RGMB: variants seen among roughly 807,000 people sequenced by gnomAD.
The protein encoded by RGMB is repulsive guidance molecule B.
In RGMB, 16 loss-of-function variants were observed where a neutral mutation model predicts 26.9. That is an observed-to-expected ratio of 0.60 (90% CI 0.40 to 0.90). The LOEUF (loss-of-function observed/expected upper bound fraction) is 0.90, where lower values mean the gene tolerates loss of function less well. RGMB is among the 40% of genes least tolerant of loss of function. The pLI, the probability that RGMB is intolerant of heterozygous loss-of-function variation, is 0.00. For synonymous variants in RGMB, 225 were observed against 229.3 expected (o/e 0.98, Z 0.17); for missense variants, 512 against 573.3 (o/e 0.89, Z 1.09).
intron 1 of RGMB, among the ~76,000 whole-genome samples, chr5:98,774,910 TC>T (rs1264971817): frequency 1.3e-5 from 2 of 152,132 alleles, no homozygotes; most frequent in African/African-American, 4.8e-5. Context: ...AGGCGTATGT[TC>T]CAAGGGAAGT....
rs1486674549 is a variant in RGMB at position 98,793,236 on chromosome 5, GC to G, written c.799del (p.His267ThrfsTer10). On this transcript the variant is annotated frameshift_variant, in exon 3 of 3. Transcript: ENST00000513185. LOFTEE classifies it high-confidence loss of function. ...KSLRIVERES[G>X]HYVEMHARYI... ...CTGCGTATCGTGGAAAGGGAGAGTG[GC>G]CACTATGTGGAGATGCACGCCCGCT... is the stretch of plus-strand genomic sequence containing the variant. 15 of 1,613,926 alleles carry G rather than the reference GC, an allele frequency of 9.3e-6. No homozygotes were observed. The highest frequency in any genetic ancestry group is 1.0e-5 in the Non-Finnish European group (12 of 1,179,910).
At chr5:98,782,299 C>T (rs533233042) in intron 2 of RGMB, among the ~76,000 whole-genome samples, 22 of 152,286 alleles carry the variant, frequency 1.4e-4, no homozygotes, top group African/African-American at 4.6e-4. Flanking sequence ...TCTTACAATA[C>T]GTTCCTTTTA....
intron 1 of RGMB, among the ~76,000 whole-genome samples, chr5:98,778,456 C>A (rs1746483983): frequency 6.6e-6 from 1 of 152,058 alleles, no homozygotes; most frequent in Non-Finnish European, 1.5e-5. Context: ...CAGATGAGGA[C>A]CCTCACATTT....
Position 98,794,409 on chromosome 5 carries a change from A to G in RGMB, c.*656A>G, listed in dbSNP as rs1302688858. ...CTGATTACTCTCAATTCTAATTGTT[A>G]TATATTTGAGCCCATACAGTGTATT... On this transcript the variant is annotated 3_prime_UTR_variant, in exon 3 of 3. Coordinates refer to ENST00000513185, the MANE Select transcript of RGMB (RefSeq NM_001366508.1). 1 of 152,140 alleles carries G rather than the reference A, an allele frequency of 6.6e-6. No homozygotes were observed. 9.4% of individuals were successfully genotyped at this position (152,140 alleles called of 1,614,324 possible).
At chr5:98,782,805 C>T (rs373291425) in intron 2 of RGMB, among the ~76,000 whole-genome samples, 5 of 152,314 alleles carry the variant, frequency 3.3e-5, no homozygotes, top group African/African-American at 9.6e-5. Flanking sequence ...TTGAGCAAGC[C>T]GTCTTCAAGC....
intron 2 of RGMB, chr5:98,780,304 T>C (rs1015596918): frequency 5.9e-6 from 3 of 505,160 alleles, no homozygotes; most frequent in Non-Finnish European, 6.9e-6. Flanking sequence ...GACAGTGATA[T>C]AAAGAATAAA....
rs925105451 is a variant in RGMB at position 98,794,574 on chromosome 5, C to G, written c.*821C>G. On this transcript the variant is annotated 3_prime_UTR_variant, in exon 3 of 3. Transcript: ENST00000513185. ...CCGTTTTAAATTGTCAGTTTTCCCT[C>G]TGACTCTTCTGTGTTAAAACATGAA... The G allele has an allele frequency of 6.6e-6, 1 of 152,198 alleles. No homozygotes were observed. The highest frequency in any genetic ancestry group is 2.4e-5 in the African/African-American group (1 of 41,452). The allele number at this position is 152,198 out of a possible 1,614,324, so 9.4% of individuals were successfully genotyped here.
intron 2 of RGMB, among the ~76,000 whole-genome samples, chr5:98,792,274 C>T (rs1746954341): frequency 6.6e-6 from 1 of 152,066 alleles, no homozygotes; most frequent in South Asian, 2.1e-4. Flanking sequence ...TTTTTTAATC[C>T]TATGAAGAAT....
intron 2 of RGMB, among the ~76,000 whole-genome samples, chr5:98,786,116 C>T (rs903052845): frequency 2.0e-5 from 3 of 152,142 alleles, no homozygotes; most frequent in Admixed American, 1.3e-4. Context: ...AGAAGATTTG[C>T]CTTTGTTTCA....
rs748341331 is a variant in RGMB at position 98,793,411 on chromosome 5, C to T, written c.972C>T (p.Asp324=). Residue 324 remains aspartate, a synonymous_variant, in exon 3 of 3, where the codon GAC becomes GAT. Coordinates refer to ENST00000513185, the MANE Select transcript of RGMB (RefSeq NM_001366508.1). ...NGCPLSERID[D]GQGQVSAILG... Reference sequence around the variant, plus strand: ...GCCCCCTGAGTGAACGCATCGATGACGGGCAGGGCCAGGTGTCTGCCATCC... The same window carrying T: ...GCCCCCTGAGTGAACGCATCGATGATGGGCAGGGCCAGGTGTCTGCCATCC... The T allele has an allele frequency of 6.8e-6, 11 of 1,612,428 alleles. No homozygotes were observed. Among genetic ancestry groups the T allele is most frequent in the African/African-American group, 2.7e-5 (2 of 74,888 alleles).
In RGMB at chr5:98,795,967, A is replaced by G. The variant is rs1447483514; in HGVS notation, c.*2214A>G. 6.6e-6 allele frequency: 1 copy of G among 152,198 alleles called. No homozygotes were observed. Among genetic ancestry groups the G allele is most frequent in the African/African-American group, 2.4e-5 (1 of 41,448 alleles). The allele number at this position is 152,198 out of a possible 1,614,324, so 9.4% of individuals were successfully genotyped here. On this transcript the variant is annotated 3_prime_UTR_variant, in exon 3 of 3. Transcript: ENST00000513185. ...TATTTTGCCATATCATTTAGCTGGA[A>G]GTGACATTTAAAAGCACCCTGCATC...
rs1157209369 is a variant in RGMB, at chr5:98,793,320, G to A, written c.881G>A (p.Arg294His). Reference sequence around the variant, plus strand: ...GGTCGCTACCTGACCCTTGCCATCCGTATGCCTGAAGACCTGGCCATGTCC... The same window carrying A: ...GGTCGCTACCTGACCCTTGCCATCCATATGCCTGAAGACCTGGCCATGTCC... ...QVGRYLTLAI[R>H]MPEDLAMSYE... The change falls in exon 3 of 3, where the codon CGT (arginine) becomes CAT (histidine). Residue 294 changes from arginine to histidine, a missense_variant. Transcript: ENST00000513185. 18 of 1,613,758 alleles carry A rather than the reference G, an allele frequency of 1.1e-5. No homozygotes were observed. Among genetic ancestry groups the A allele is most frequent in the East Asian group, 2.2e-5 (1 of 44,874 alleles).
chr5:98,791,363 A>G (rs1390733349), intron 2 of RGMB, among the ~76,000 whole-genome samples: 1 of 152,234 alleles, frequency 6.6e-6, no homozygotes, highest in African/African-American at 2.4e-5. Flanking sequence ...AAATGGCTGG[A>G]AAATTCCAGT....
At chr5:98,781,139 CA>C (rs1236874567) in intron 2 of RGMB, 1 of 152,222 alleles carries the variant, frequency 6.6e-6, no homozygotes, top group Non-Finnish European at 1.5e-5. Context: ...TGTGTCTAAA[CA>C]TGTGTGGTAT....
At chr5:98,781,025 T>A (rs1328092235) in intron 2 of RGMB, 1 of 152,246 alleles carries the variant, frequency 6.6e-6, no homozygotes, top group Non-Finnish European at 1.5e-5. Context: ...ATTTCTTGCA[T>A]TTATTGTATC....
chr5:98,771,531 G>A (rs958400069), upstream of RGMB: 1 of 152,226 alleles, frequency 6.6e-6, no homozygotes, highest in East Asian at 1.9e-4. Flanking sequence ...ACCACCTTGC[G>A]GTTTACTTGT....
intron 2 of RGMB, among the ~76,000 whole-genome samples, chr5:98,785,878 C>T (rs1746755055): frequency 6.6e-6 from 1 of 152,162 alleles, no homozygotes; most frequent in Non-Finnish European, 1.5e-5. Flanking sequence ...ATTTATCATG[C>T]AGCTGTTGTG....
chr5:98,790,991 TA>T (rs200889596), intron 2 of RGMB, among the ~76,000 whole-genome samples: 3 of 150,752 alleles, frequency 2.0e-5, no homozygotes, highest in Non-Finnish European at 3.0e-5. Flanking sequence ...CAGCATGCCT[TA>T]AAAAAAAACA....
At chr5:98,792,900 T>C (rs1406155304) in intron 2 of RGMB, 185 bp from the exon 3 acceptor site, 8 of 532,602 alleles carry the variant, frequency 1.5e-5, no homozygotes, top group African/African-American at 3.8e-5. Context: ...TCTAAATATA[T>C]AGGACTTTAA....
Sources: allele counts gnomAD v4.1 joint callset (sites outside exome capture counted in the v4.1 genomes callset), GRCh38; gene constraint gnomAD v4.1.1; transcripts MANE v1.5; gene names NCBI Gene and HGNC (gene_info 2026-07-23, HGNC 2026-07-21).